ANO6: variants seen among roughly 807,000 people sequenced by gnomAD.
ANO6 encodes the protein anoctamin 6, also known as anoctamin-6.
ANO6 carries 106 observed loss-of-function variants against 117.5 expected under a neutral mutation model. The ratio of observed to expected loss-of-function variants is 0.90; its 90% CI spans 0.77 to 1.06. The LOEUF is 1.06. ANO6 is among the 50% of genes least tolerant of loss of function. The probability of loss-of-function intolerance (pLI) is 0.00; values close to 1 mark genes in which losing one functional copy is unlikely to be tolerated. For missense variants in ANO6, 955 were observed against 1,121.1 expected, an observed-to-expected ratio of 0.85 and a Z score of 2.12; for synonymous variants, 367 against 385.1, an observed-to-expected ratio of 0.95 and a Z score of 0.55.
At position 45,317,133 on chromosome 12, in the gene ANO6, T is replaced by TA. The variant is rs34406866; in HGVS notation, c.151-14162_151-14161insA. ...TATATGTATATATATATATATATATTTATTATACTTTAAGTTCCAGGGTAC... is the reference window on the plus strand; with the variant it reads ...TATATGTATATATATATATATATATTATATTATACTTTAAGTTCCAGGGTAC... On this transcript the variant is annotated intron_variant, in intron 2 of 19. Transcript: ENST00000320560. Among the ~76,000 whole-genome samples, 3 of 69,540 alleles carry TA rather than the reference T, an allele frequency of 4.3e-5. 1 individual carries two copies. The highest frequency in any genetic ancestry group is 6.4e-5 in the Non-Finnish European group (2 of 31,188). 45.6% of individuals were successfully genotyped at this position (69,540 alleles called of 152,430 possible). A position where few individuals can be genotyped will look rare whatever the true frequency, so the allele number is the denominator to read the frequency against.
intron 1 of ANO6, among the ~76,000 whole-genome samples, chr12:45,222,225 A>G (rs568965236): frequency 1.3e-5 from 2 of 152,038 alleles, no homozygotes; most frequent in African/African-American, 4.8e-5. Flanking sequence ...CAATGGCTCA[A>G]TATCAGCTCA....
chr12:45,433,923 A>G (rs572835632), downstream of ANO6, among the ~76,000 whole-genome samples: 53 of 152,354 alleles, frequency 3.5e-4, 3 homozygotes, highest in South Asian at 0.01. Flanking sequence ...GATTTTACAA[A>G]TGCTCTTAAT....
chr12:45,344,958 C>T (rs960098001), intron 3 of ANO6, among the ~76,000 whole-genome samples: 1 of 152,118 alleles, frequency 6.6e-6, no homozygotes, highest in South Asian at 2.1e-4. Context: ...CCAGAGGGAA[C>T]AGTCACTTTT....
At chr12:45,371,653 G>A (rs1370556336) in intron 9 of ANO6, among the ~76,000 whole-genome samples, 2 of 151,926 alleles carry the variant, frequency 1.3e-5, no homozygotes, top group Admixed American at 6.5e-5. Context: ...TGAGGGTCCT[G>A]TCTGTTAGAA....
At chr12:45,266,733 G>A (rs985997954) in intron 1 of ANO6, among the ~76,000 whole-genome samples, 2 of 152,000 alleles carry the variant, frequency 1.3e-5, no homozygotes, top group Non-Finnish European at 2.9e-5. Context: ...GGAAGTGGAG[G>A]TTGCCGTGAG....
intron 1 of ANO6, among the ~76,000 whole-genome samples, chr12:45,229,878 C>A (rs192979772): frequency 7.8e-6 from 1 of 128,542 alleles, no homozygotes; most frequent in Non-Finnish European, 1.6e-5. Flanking sequence ...GCCCACCCCC[C>A]ACCCGTAAGA....
intron 1 of ANO6, among the ~76,000 whole-genome samples, chr12:45,246,923 C>T (rs1279260017): frequency 2.6e-5 from 4 of 151,532 alleles, no homozygotes; most frequent in African/African-American, 4.8e-5. Flanking sequence ...TGCCACCACG[C>T]GCGGCTCATT....
At chr12:45,399,567 C>CCTCA (rs766080195) in intron 12 of ANO6, among the ~76,000 whole-genome samples, 19 of 152,042 alleles carry the variant, frequency 1.2e-4, no homozygotes, top group Non-Finnish European at 2.5e-4. Context: ...ACAGATGTCT[C>CCTCA]CTCACTTCTC....
chr12:45,356,780 GA>G lies in ANO6; in HGVS notation c.864-502del, dbSNP rs559421558. 2.6e-5 allele frequency among the ~76,000 whole-genome samples: 4 copies of G among 151,796 alleles called. No individual in the cohort carries two copies. The East Asian group carries it at 5.8e-4, about 22-fold the overall frequency. The stretch of plus-strand genomic sequence containing the variant: ...AGGCACACTAGGTTTATCTTTTATT[GA>G]AAAAAAATCCACATTTAAGTGGATC... On this transcript the variant is annotated intron_variant, in intron 7 of 19. Transcript: ENST00000320560.
chr12:45,377,617 C>T (rs1256817817), intron 9 of ANO6, among the ~76,000 whole-genome samples: 1 of 152,182 alleles, frequency 6.6e-6, no homozygotes, highest in African/African-American at 2.4e-5. Flanking sequence ...GAAACTTACC[C>T]TCTGACCAGG....
intron 3 of ANO6, among the ~76,000 whole-genome samples, chr12:45,333,390 C>A (rs571446729): frequency 3.3e-5 from 5 of 151,918 alleles, no homozygotes; most frequent in Non-Finnish European, 7.4e-5. Flanking sequence ...CATTAAGTAT[C>A]CATATGCCAA....
chr12:45,384,095 A>G (rs893867094), intron 10 of ANO6, among the ~76,000 whole-genome samples: 1 of 152,222 alleles, frequency 6.6e-6, no homozygotes, highest in Admixed American at 6.5e-5. Flanking sequence ...TTCACCTTGC[A>G]CTTCTATGCT....
chr12:45,274,682 A>G (rs910574559), intron 1 of ANO6, among the ~76,000 whole-genome samples: 7 of 151,392 alleles, frequency 4.6e-5, no homozygotes, highest in Admixed American at 1.3e-4. Flanking sequence ...TTGGCCATGT[A>G]CTGTAAGGCC....
chr12:45,224,521 G>C (rs1366471870), intron 1 of ANO6, among the ~76,000 whole-genome samples: 3 of 152,084 alleles, frequency 2.0e-5, no homozygotes, highest in Admixed American at 6.6e-5. Flanking sequence ...GAATAGTCTT[G>C]CTTCTTTTTA....
chr12:45,400,556 T>C (rs1942757031), intron 12 of ANO6, among the ~76,000 whole-genome samples: 1 of 152,242 alleles, frequency 6.6e-6, no homozygotes, highest in African/African-American at 2.4e-5. Flanking sequence ...CTAATACTTA[T>C]TTGGTGCTTT....
intron 15 of ANO6, 44 bp from the exon 16 acceptor site, chr12:45,409,305 GACCTTGGC>G: frequency 6.2e-7 from 1 of 1,606,082 alleles, no homozygotes; most frequent in Non-Finnish European, 8.5e-7. Context: ...ATATTTTTAT[GACCTTGGC>G]CTGATAATAT....
At chr12:45,269,845 T>C (rs1938337227) in intron 1 of ANO6, among the ~76,000 whole-genome samples, 1 of 152,184 alleles carries the variant, frequency 6.6e-6, no homozygotes, top group Non-Finnish European at 1.5e-5. Context: ...TTCAATGTAG[T>C]TTTCTTTTTA....
chr12:45,344,247 C>T (rs1941065251), intron 3 of ANO6, among the ~76,000 whole-genome samples: 1 of 152,088 alleles, frequency 6.6e-6, no homozygotes. Flanking sequence ...TGCAGGATGC[C>T]TGCAAAATAA....
intron 4 of ANO6, 21 bp from the exon 5 acceptor site, chr12:45,348,007 G>A (rs201664524): frequency 6.2e-4 from 993 of 1,610,244 alleles, no homozygotes; most frequent in Non-Finnish European, 8.0e-4. Context: ...CTTGTTCTGC[G>A]TTTTTATTTT....
Sources: allele counts gnomAD v4.1 joint callset (sites outside exome capture counted in the v4.1 genomes callset), GRCh38; gene constraint gnomAD v4.1.1; transcripts MANE v1.5; gene names NCBI Gene and HGNC (gene_info 2026-07-23, HGNC 2026-07-21).